Variants in ANKRD12 observed in about 807,000 individuals in gnomAD.
ANKRD12 encodes ankyrin repeat domain 12, also known as ankyrin repeat domain-containing protein 12.
A neutral mutation model predicts 183.4 loss-of-function variants in ANKRD12; 85 were observed. The observed-to-expected ratio is 0.46, with a 90% CI of 0.39 to 0.56. The LOEUF (loss-of-function observed/expected upper bound fraction) is 0.56, where lower values mean the gene tolerates loss of function less well. Among genes scored for constraint, ANKRD12 ranks in the 20% least tolerant of loss-of-function variants. ANKRD12 has a pLI of 0.00. For missense variants in ANKRD12, 2,405 were observed against 2,357.1 expected (o/e 1.02, Z -0.42); for synonymous variants, 914 against 800.2 (o/e 1.14, Z -2.40).
In ANKRD12 at chr18:9,146,894, A is replaced by G. The variant is rs1038752008; in HGVS notation, c.-52+9929A>G. On this transcript the variant is annotated intron_variant, in intron 1 of 12. Transcript: ENST00000262126. Reference sequence around the variant, plus strand: ...AGGATAAAGAAAAACGTAGCAGTTCAAGACTAAAAGGCCTAAACAATTCAG... The same window carrying G: ...AGGATAAAGAAAAACGTAGCAGTTCGAGACTAAAAGGCCTAAACAATTCAG... 7.2e-5 allele frequency among the ~76,000 whole-genome samples: 11 copies of G among 152,354 alleles called. No individual in the cohort carries two copies. The East Asian group carries it at 2.1e-3, about 29-fold the overall frequency.
chr18:9,151,560 C>T (rs554802072), intron 1 of ANKRD12, among the ~76,000 whole-genome samples: 1 of 152,170 alleles, frequency 6.6e-6, no homozygotes, highest in African/African-American at 2.4e-5. Context: ...ACCTCACGCT[C>T]CCAGATCACA....
chr18:9,276,692 A>G (rs2039853549), intron 11 of ANKRD12, among the ~76,000 whole-genome samples: 1 of 152,036 alleles, frequency 6.6e-6, no homozygotes, highest in Non-Finnish European at 1.5e-5. Context: ...GAGCCTGGGC[A>G]ACAGAGTGGG....
intron 8 of ANKRD12, among the ~76,000 whole-genome samples, chr18:9,251,319 G>T (rs1257841249): frequency 6.6e-6 from 1 of 152,136 alleles, no homozygotes; most frequent in Non-Finnish European, 1.5e-5. Context: ...GATGGACATT[G>T]ATGGTTCAGG....
chr18:9,232,798 CT>C (rs1183826092), intron 8 of ANKRD12, among the ~76,000 whole-genome samples: 4 of 149,500 alleles, frequency 2.7e-5, no homozygotes, highest in African/African-American at 4.9e-5. Flanking sequence ...TTTGTTCATT[CT>C]TTTTTTTTTC....
intron 1 of ANKRD12, among the ~76,000 whole-genome samples, chr18:9,144,823 A>G (rs2078438711): frequency 6.6e-6 from 1 of 152,160 alleles, no homozygotes; most frequent in African/African-American, 2.4e-5. Context: ...TGATAAATTT[A>G]GAAACTTTAG....
At chr18:9,259,037 CA>C in intron 9 of ANKRD12, 106 bp downstream of exon 9, 1 of 1,277,544 alleles carries the variant, frequency 7.8e-7, no homozygotes, top group South Asian at 1.7e-5. Flanking sequence ...ATAATTTCAG[CA>C]AAATAATCTG....
At chr18:9,237,594 G>T (rs1477413378) in intron 8 of ANKRD12, among the ~76,000 whole-genome samples, 4 of 152,030 alleles carry the variant, frequency 2.6e-5, no homozygotes, top group Non-Finnish European at 5.9e-5. Flanking sequence ...GGAGTTGTAG[G>T]GTTACTTGAA....
chr18:9,211,811 A>C, intron 6 of ANKRD12, 27 bp downstream of exon 6: 1 of 1,545,340 alleles, frequency 6.5e-7, no homozygotes, highest in Non-Finnish European at 8.9e-7. Flanking sequence ...AATACCTACT[A>C]TTCAGGCACT....
At chr18:9,163,931 G>T (rs1247918284) in intron 1 of ANKRD12, among the ~76,000 whole-genome samples, 8 of 152,210 alleles carry the variant, frequency 5.3e-5, no homozygotes, top group Admixed American at 5.2e-4. Context: ...CTTTCGGGCC[G>T]AGACAATGTG....
chr18:9,147,581 C>G (rs1211521870), intron 1 of ANKRD12, among the ~76,000 whole-genome samples: 1 of 152,164 alleles, frequency 6.6e-6, no homozygotes, highest in African/African-American at 2.4e-5. Context: ...GTGACCTATT[C>G]AGTGAAGCCT....
At chr18:9,246,730 A>G (rs189928801) in intron 8 of ANKRD12, among the ~76,000 whole-genome samples, 51 of 152,356 alleles carry the variant, frequency 3.3e-4, no homozygotes, top group African/African-American at 1.2e-3. Flanking sequence ...TTTAATTTAC[A>G]TGATACATTC....
At chr18:9,182,717 T>C (rs1395976623) in intron 2 of ANKRD12, among the ~76,000 whole-genome samples, 198 bp downstream of exon 2, 1 of 152,166 alleles carries the variant, frequency 6.6e-6, no homozygotes, top group Non-Finnish European at 1.5e-5. Context: ...ACACAACTAC[T>C]AAGTAAAACA....
chr18:9,224,237 C>A (rs1443654865), intron 8 of ANKRD12, among the ~76,000 whole-genome samples: 1 of 151,560 alleles, frequency 6.6e-6, no homozygotes, highest in African/African-American at 2.4e-5. Context: ...GTATATAGAT[C>A]TTACCAAAAA....
At chr18:9,141,745 C>T (rs549198337) in intron 1 of ANKRD12, among the ~76,000 whole-genome samples, 1 of 152,174 alleles carries the variant, frequency 6.6e-6, no homozygotes, top group African/African-American at 2.4e-5. Flanking sequence ...AATAGTTTAC[C>T]TTTCTGGTTT....
chr18:9,148,582 C>T (rs2078571647), intron 1 of ANKRD12, among the ~76,000 whole-genome samples: 1 of 151,948 alleles, frequency 6.6e-6, no homozygotes, highest in African/African-American at 2.4e-5. Flanking sequence ...ATGCTAATTG[C>T]TTAAATTATT....
Position 9,256,263 on chromosome 18 carries a change from C to A in ANKRD12, c.2996C>A (p.Ser999Tyr). Residue 999 changes from serine (S) to tyrosine (Y), a missense_variant, in exon 9 of 13, where the codon TCC (serine) becomes TAC (tyrosine). This residue lies in a region of ANKRD12 where 1,983 missense variants were observed against 1,725.9 expected (regional missense o/e 1.15). Coordinates refer to ENST00000262126, the MANE Select transcript of ANKRD12 (RefSeq NM_015208.5). The stretch of plus-strand genomic sequence containing the variant: ...AAAGCACAACATGAAAAACCCTTAT[C>A]CCTTAAAGAAAAAACAAAAGATGAA... ...GNKAQHEKPL[S>Y]LKEKTKDEPL... 6.2e-7 allele frequency: 1 copy of A among 1,604,166 alleles called. No individual in the cohort carries two copies. Among genetic ancestry groups the A allele is most frequent in the Non-Finnish European group, 8.5e-7 (1 of 1,177,096 alleles).
chr18:9,215,922 A>G (rs914994804), intron 6 of ANKRD12, among the ~76,000 whole-genome samples: 3 of 152,110 alleles, frequency 2.0e-5, no homozygotes, highest in Admixed American at 2.0e-4. Flanking sequence ...AATGCTTCCA[A>G]AACAGTTTCA....
chr18:9,237,313 T>C (rs1209063613), intron 8 of ANKRD12, among the ~76,000 whole-genome samples: 1 of 152,208 alleles, frequency 6.6e-6, no homozygotes, highest in African/African-American at 2.4e-5. Context: ...TGGTCAAAGA[T>C]TGATGGTCAC....
At position 9,255,721 on chromosome 18, in the gene ANKRD12, T is replaced by G. The variant is rs2038569432; in HGVS notation, c.2454T>G (p.Ser818Arg). ...AACAAGAAAAGCATATAAAGGAAAG[T>G]AAAGAAAAACCTGAGAAGCGATCTC... ...IEKQEKHIKESKEKPEKRSQI... is the reference protein window; with the variant it reads ...IEKQEKHIKERKEKPEKRSQI... The change falls in exon 9 of 13, where the codon AGT becomes AGG. Residue 818 changes from serine (S) to arginine (R), a missense_variant. Ser to Arg is a moderately radical substitution (Grantham distance 110). This residue lies in a region of ANKRD12 where 1,983 missense variants were observed against 1,725.9 expected (regional missense o/e 1.15). Coordinates refer to ENST00000262126, the MANE Select transcript of ANKRD12 (RefSeq NM_015208.5). The G allele has an allele frequency of 1.3e-6, 2 of 1,593,230 alleles. No homozygotes were observed. Among genetic ancestry groups the G allele is most frequent in the Non-Finnish European group, 1.7e-6 (2 of 1,174,296 alleles).
Sources: gnomAD v4.1 joint callset for allele counts (sites outside exome capture counted in the v4.1 genomes callset) on GRCh38, gnomAD v4.1.1 for gene constraint, gnomAD v4.1.1 regional missense constraint, MANE v1.5 for transcripts, NCBI Gene and HGNC (gene_info 2026-07-23, HGNC 2026-07-21) for gene names.